Variants in MTCL2 observed in about 807,000 individuals in gnomAD.
MTCL2 encodes the protein microtubule cross-linking factor 2.
chr20:36,799,289 G>A, the MTCL2 span, among the ~76,000 whole-genome samples: 2 of 152,008 alleles, frequency 1.3e-5, no homozygotes, highest in Admixed American at 6.6e-5. Context: ...TTGGGAGTTC[G>A]AGACCAGCCT....
chr20:36,848,083 A>G, the MTCL2 span, among the ~76,000 whole-genome samples: 1 of 152,232 alleles, frequency 6.6e-6, no homozygotes, highest in South Asian at 2.1e-4. Flanking sequence ...CAGGAGTTCC[A>G]GGCTGCTGTG....
the MTCL2 span, chr20:36,785,661 G>A: frequency 1.0e-6 from 1 of 985,306 alleles, no homozygotes; most frequent in Non-Finnish European, 1.2e-6. Context: ...AGTGTATTTA[G>A]GCATTTATCT....
the MTCL2 span, chr20:36,817,280 A>AG: frequency 1.0e-5 from 9 of 885,454 alleles, no homozygotes; most frequent in African/African-American, 1.7e-5. Context: ...AAAAAAAAAA[A>AG]AAAAGAAAAG....
At chr20:36,810,723 T>TCTCTCC in the MTCL2 span, among the ~76,000 whole-genome samples, 2 of 139,330 alleles carry the variant, frequency 1.4e-5, no homozygotes, top group African/African-American at 2.8e-5. Context: ...TCTCCCTCTC[T>TCTCTCC]CTCTCTCTCT....
the MTCL2 span, among the ~76,000 whole-genome samples, chr20:36,805,381 T>A: frequency 6.6e-6 from 1 of 152,184 alleles, no homozygotes; most frequent in Non-Finnish European, 1.5e-5. Context: ...CCTGGGATCC[T>A]GACCCCACTG....
the MTCL2 span, among the ~76,000 whole-genome samples, chr20:36,861,802 C>T: frequency 3.9e-5 from 6 of 152,244 alleles, no homozygotes; most frequent in African/African-American, 4.8e-5. Flanking sequence ...AGATGGAGCC[C>T]GGCTGGCACC....
the MTCL2 span, chr20:36,859,606 T>C: frequency 8.1e-7 from 1 of 1,231,762 alleles, no homozygotes; most frequent in Non-Finnish European, 1.0e-6. Flanking sequence ...ATCTTCTCAC[T>C]GGGAGAGAGT....
At chr20:36,788,621 G>C in the MTCL2 span, among the ~76,000 whole-genome samples, 6 of 152,162 alleles carry the variant, frequency 3.9e-5, no homozygotes, top group African/African-American at 1.4e-4. Context: ...CTAGGCAACA[G>C]AGCGAGACTC....
chr20:36,856,992 C>T, the MTCL2 span, among the ~76,000 whole-genome samples: 1 of 152,188 alleles, frequency 6.6e-6, no homozygotes, highest in Admixed American at 6.5e-5. Context: ...GTGGGAGTCC[C>T]CTTGGTGGGT....
At chr20:36,839,539 G>T in the MTCL2 span, 4 of 1,078,580 alleles carry the variant, frequency 3.7e-6, no homozygotes, top group South Asian at 1.6e-5. This position sits in a 1 kb window ranked among gnomAD's most constrained non-coding sequence, Gnocchi z 5.1. Flanking sequence ...CACCGTGGGG[G>T]ACCTGGATGT....
the MTCL2 span, chr20:36,794,103 C>G: frequency 6.4e-7 from 1 of 1,551,454 alleles, no homozygotes; most frequent in South Asian, 1.2e-5. The surrounding 1 kb of genome is among the most constrained non-coding windows in gnomAD (Gnocchi z 5.4). Flanking sequence ...GCTGGGAAGC[C>G]AGGCCCGGCC....
chr20:36,861,815 G>A, the MTCL2 span, among the ~76,000 whole-genome samples: 1 of 152,240 alleles, frequency 6.6e-6, no homozygotes, highest in South Asian at 2.1e-4. Flanking sequence ...CTGGCACCCA[G>A]TAGGTGCTCA....
chr20:36,806,044 C>G, the MTCL2 span: 1 of 1,119,182 alleles, frequency 8.9e-7, no homozygotes, highest in Admixed American at 2.5e-5. Context: ...GGTCGAGGAG[C>G]ACGGCTGGAT....
the MTCL2 span, among the ~76,000 whole-genome samples, chr20:36,801,549 A>T: frequency 7.7e-4 from 111 of 144,362 alleles, 1 homozygote; most frequent in East Asian, 0.016. Flanking sequence ...CATCTCTCAT[A>T]AAAAAAAAAA....
the MTCL2 span, among the ~76,000 whole-genome samples, chr20:36,858,670 GAAT>G: frequency 6.0e-3 from 913 of 152,326 alleles, 8 homozygotes; most frequent in Middle Eastern, 0.01. Flanking sequence ...TATTGGCTAT[GAAT>G]AATAACAATT....
chr20:36,804,646 G>A, the MTCL2 span: 1 of 1,529,010 alleles, frequency 6.5e-7, no homozygotes. Flanking sequence ...TCCTCTAGGA[G>A]CATGGCCTTG....
At chr20:36,839,352 C>T in the MTCL2 span, 1 of 1,612,878 alleles carries the variant, frequency 6.2e-7, no homozygotes, top group Non-Finnish European at 8.5e-7. The surrounding 1 kb of genome is among the most constrained non-coding windows in gnomAD (Gnocchi z 5.1). Flanking sequence ...GGTCCAGCTG[C>T]TGTCGCAGCT....
At chr20:36,843,357 T>C in the MTCL2 span, among the ~76,000 whole-genome samples, 1 of 152,156 alleles carries the variant, frequency 6.6e-6, no homozygotes, top group Non-Finnish European at 1.5e-5. Context: ...AGGCCAGTTC[T>C]CACAAGCTCG....
At chr20:36,810,090 C>G in the MTCL2 span, 1 of 1,597,808 alleles carries the variant, frequency 6.3e-7, no homozygotes, top group Non-Finnish European at 8.5e-7. Flanking sequence ...CAGCCAGCAC[C>G]AGCTGCAGCT....
Sources: allele counts gnomAD v4.1 joint callset (sites outside exome capture counted in the v4.1 genomes callset), GRCh38; gene constraint gnomAD v4.1.1; non-coding constraint Gnocchi (gnomAD v3.1); transcripts MANE v1.5; gene names NCBI Gene and HGNC (gene_info 2026-07-23, HGNC 2026-07-21).